Variants in ELAVL4 observed in about 807,000 individuals in gnomAD.
ELAVL4 encodes ELAV-like protein 4.
A neutral mutation model predicts 35.6 loss-of-function variants in ELAVL4; 1 was observed. The observed-to-expected ratio is 0.03, with a 90% CI of 0.01 to 0.13. The LOEUF (loss-of-function observed/expected upper bound fraction) is 0.13. ELAVL4 is among the 10% of genes least tolerant of loss of function. The pLI, the probability that ELAVL4 is intolerant of heterozygous loss-of-function variation, is 1.00. For missense variants in ELAVL4, 267 were observed against 464.9 expected (o/e 0.57, Z 3.91); for synonymous variants, 156 against 171.0 (o/e 0.91, Z 0.69).
At chr1:50,173,380 AC>A (rs1329134245) in intron 2 of ELAVL4, among the ~76,000 whole-genome samples, 1 of 152,186 alleles carries the variant, frequency 6.6e-6, no homozygotes, top group Non-Finnish European at 1.5e-5. Context: ...AATTCAAAAT[AC>A]TCTGAAGTGC....
At chr1:50,099,778 C>T (rs1665886331), upstream of ELAVL4, among the ~76,000 whole-genome samples, 4 of 152,036 alleles carry the variant, frequency 2.6e-5, no homozygotes, top group African/African-American at 9.7e-5. Flanking sequence ...CTCTCTACAC[C>T]ACTTCCAAGC....
At chr1:50,158,601 C>T (rs1676171014) in intron 2 of ELAVL4, among the ~76,000 whole-genome samples, 1 of 152,138 alleles carries the variant, frequency 6.6e-6, no homozygotes, top group Non-Finnish European at 1.5e-5. Context: ...CAACTTGTAC[C>T]AACATGAAAA....
chr1:50,139,816 G>A (rs962867515), intron 1 of ELAVL4, among the ~76,000 whole-genome samples: 7 of 152,172 alleles, frequency 4.6e-5, no homozygotes, highest in African/African-American at 1.4e-4. Flanking sequence ...GCAGCTGCAC[G>A]TCTGAAGCCT....
In ELAVL4 at chr1:50,202,072, C is replaced by T. The variant is rs1168266734; in HGVS notation, c.*894C>T. On this transcript the variant is annotated 3_prime_UTR_variant, in exon 7 of 7. Transcript: ENST00000371824. Reference sequence around the variant, plus strand: ...GTGTGTTTTAAACTGGATTCGTAGACTGTTTTTTGAAGGATGGGCTATAAA... The same window carrying T: ...GTGTGTTTTAAACTGGATTCGTAGATTGTTTTTTGAAGGATGGGCTATAAA... 1 of 152,112 alleles carries T rather than the reference C, an allele frequency of 6.6e-6. No individual in the cohort carries two copies. The highest frequency in any genetic ancestry group is 1.5e-5 in the Non-Finnish European group (1 of 68,012). The allele number at this position is 152,112 out of a possible 1,614,324, so 9.4% of individuals were successfully genotyped here.
chr1:50,181,482 C>A (rs574673137), intron 3 of ELAVL4, among the ~76,000 whole-genome samples: 2 of 152,140 alleles, frequency 1.3e-5, no homozygotes, highest in Non-Finnish European at 2.9e-5. Flanking sequence ...CCATGTGAGT[C>A]AGAGAGCTAT....
intron 1 of ELAVL4, among the ~76,000 whole-genome samples, chr1:50,119,093 A>AAAGAAAGG (rs1668588661): frequency 1.1e-5 from 1 of 86,968 alleles, no homozygotes; most frequent in Non-Finnish European, 2.4e-5. Context: ...AGAAAGAAAG[A>AAAGAAAGG]AAAAGAAAAA....
intron 1 of ELAVL4, among the ~76,000 whole-genome samples, chr1:50,073,406 C>G (rs1015497318): frequency 1.3e-5 from 2 of 151,664 alleles, no homozygotes; most frequent in Admixed American, 6.6e-5. Context: ...ATTTTAATCT[C>G]TAATACAGGC....
intron 1 of ELAVL4, among the ~76,000 whole-genome samples, chr1:50,058,909 T>C (rs1479654687): frequency 6.6e-6 from 1 of 152,206 alleles, no homozygotes; most frequent in African/African-American, 2.4e-5. Context: ...TGGCCCAGGA[T>C]AATTCTTTTA....
chr1:50,055,242 T>C (rs1291647901), intron 1 of ELAVL4, among the ~76,000 whole-genome samples: 1 of 152,162 alleles, frequency 6.6e-6, no homozygotes, highest in Non-Finnish European at 1.5e-5. Context: ...AAATCCTGGT[T>C]TTGTGACTTC....
intron 1 of ELAVL4, among the ~76,000 whole-genome samples, chr1:50,086,496 A>G (rs1665250640): frequency 6.6e-6 from 1 of 150,722 alleles, no homozygotes; most frequent in African/African-American, 2.4e-5. Context: ...ATATATATAT[A>G]TATACTCTCT....
At chr1:50,069,081 G>A (rs1220465400) in intron 1 of ELAVL4, among the ~76,000 whole-genome samples, 1 of 152,276 alleles carries the variant, frequency 6.6e-6, no homozygotes, top group Non-Finnish European at 1.5e-5. Context: ...ACTACATCCT[G>A]CTGTCTTACA....
intron 1 of ELAVL4, among the ~76,000 whole-genome samples, chr1:50,132,089 G>C (rs1670954918): frequency 6.6e-6 from 1 of 152,066 alleles, no homozygotes; most frequent in South Asian, 2.1e-4. Context: ...GTGATTTCTG[G>C]ATTTTGTTTG....
In ELAVL4 at chr1:50,195,725, C is replaced by A. The variant is rs144250728; in HGVS notation, c.673C>A (p.Leu225Ile). The change falls in exon 5 of 7, where the codon CTC becomes ATC. Residue 225 changes from leucine (L) to isoleucine (I), a missense_variant. Physicochemically the swap from Leu to Ile is conservative, Grantham distance 5. Coordinates refer to ENST00000371824, the MANE Select transcript of ELAVL4 (RefSeq NM_001144774.3). The part of the protein sequence containing the change: ...QKSSQALLSQ[L>I]YQSPNRRYPG... ...GTCCAGCCAGGCCCTGCTCTCCCAG[C>A]TCTACCAGTCCCCCAACCGGCGCTA... is the stretch of plus-strand genomic sequence containing the variant. 716 of 1,614,178 alleles carry A rather than the reference C, an allele frequency of 4.4e-4. 3 individuals carry two copies. Among genetic ancestry groups the A allele is most frequent in the Non-Finnish European group, 3.5e-5 (41 of 1,180,004 alleles).
intron 1 of ELAVL4, among the ~76,000 whole-genome samples, chr1:50,130,990 A>C (rs1670754721): frequency 6.6e-6 from 1 of 152,206 alleles, no homozygotes; most frequent in Non-Finnish European, 1.5e-5. Context: ...TTTTTAAAAA[A>C]GGTAAATTTC....
At position 50,202,548 on chromosome 1, in the gene ELAVL4, T is replaced by C. The variant is rs935913896; in HGVS notation, c.*1370T>C. ...CTTATTTATTTAATCGCCGATGTGA[T>C]GATGCCTATGGCCGAGATCAAATAT... On this transcript the variant is annotated 3_prime_UTR_variant, in exon 7 of 7. Transcript: ENST00000371824. 6.6e-6 allele frequency: 1 copy of C among 152,228 alleles called. No homozygotes were observed. The highest frequency in any genetic ancestry group is 2.4e-5 in the African/African-American group (1 of 41,478). The allele number at this position is 152,228 out of a possible 1,614,324, so 9.4% of individuals were successfully genotyped here. A position where few individuals can be genotyped will look rare whatever the true frequency, so the allele number is the denominator to read the frequency against.
At chr1:50,054,104 A>G (rs560247500) in intron 1 of ELAVL4, among the ~76,000 whole-genome samples, 1 of 152,334 alleles carries the variant, frequency 6.6e-6, no homozygotes, top group South Asian at 2.1e-4. Flanking sequence ...AAATTGAGTT[A>G]TAAGTTTTAT....
At chr1:50,132,724 A>G (rs1366107267) in intron 1 of ELAVL4, among the ~76,000 whole-genome samples, 1 of 152,168 alleles carries the variant, frequency 6.6e-6, no homozygotes, top group East Asian at 1.9e-4. Context: ...GAGGAGACAG[A>G]ATCATTTTTA....
chr1:50,165,861 G>C lies in ELAVL4; in HGVS notation c.251-11228G>C, dbSNP rs547105673. Among the ~76,000 whole-genome samples the C allele has an allele frequency of 3.3e-5, 5 of 151,364 alleles. No individual in the cohort carries two copies. In the East Asian group the frequency reaches 7.8e-4, roughly 24 times the overall value. On this transcript the variant is annotated intron_variant, in intron 2 of 6. Coordinates refer to ENST00000371824, the MANE Select transcript of ELAVL4 (RefSeq NM_001144774.3). ...ATATATATAAAGGGGAGTTTATTAA[G>C]TATTAACATACACAATCACAAGGTC...
chr1:50,069,716 A>G (rs1190499407), intron 1 of ELAVL4, among the ~76,000 whole-genome samples: 3 of 152,192 alleles, frequency 2.0e-5, no homozygotes, highest in African/African-American at 7.2e-5. Context: ...TTATTACTGC[A>G]TATAAAGCAT....
Sources: gnomAD v4.1 joint callset for allele counts (sites outside exome capture counted in the v4.1 genomes callset) on GRCh38, gnomAD v4.1.1 for gene constraint, MANE v1.5 for transcripts, NCBI Gene and HGNC (gene_info 2026-07-23, HGNC 2026-07-21) for gene names.